Variants in LSAMP observed in about 807,000 individuals in gnomAD.
The protein encoded by LSAMP is limbic system associated membrane protein.
Under a neutral mutation model 38.6 loss-of-function variants are expected in LSAMP, and 7 were observed. That is an observed-to-expected ratio of 0.18 (90% CI 0.10 to 0.34). The LOEUF (loss-of-function observed/expected upper bound fraction) is 0.34, where lower values mean the gene tolerates loss of function less well. Ranked by LOEUF, LSAMP falls within the 10% of genes least tolerant of loss-of-function variation. The probability of loss-of-function intolerance (pLI) is 1.00; values close to 1 mark genes in which losing one functional copy is unlikely to be tolerated. For synonymous variants in LSAMP, 154 were observed against 166.8 expected (o/e 0.92, Z 0.59); for missense variants, 313 against 420.0 (o/e 0.75, Z 2.23).
chr3:116,012,445 A>T (rs1489175021), intron 3 of LSAMP, among the ~76,000 whole-genome samples: 1 of 152,216 alleles, frequency 6.6e-6, no homozygotes, highest in Non-Finnish European at 1.5e-5. Flanking sequence ...ATATAGCTAC[A>T]GTTAATAAAA....
rs556994932 is a variant in LSAMP, at chr3:116,248,516, T to A, written c.156-161960A>T. On this transcript the variant is annotated intron_variant, in intron 1 of 6. Coordinates refer to ENST00000490035, the MANE Select transcript of LSAMP (RefSeq NM_002338.5). ...GTGTGTGTGTGTGTGTGTGTGTGTGTGTGTGTGTGTGTGTGTGTATCAGAC... is the reference window on the plus strand; with the variant it reads ...GTGTGTGTGTGTGTGTGTGTGTGTGAGTGTGTGTGTGTGTGTGTATCAGAC... 6.4e-4 allele frequency among the ~76,000 whole-genome samples: 97 copies of A among 151,512 alleles called. 2 individuals are homozygous for A. Among genetic ancestry groups the A allele is most frequent in the African/African-American group, 2.2e-3 (89 of 41,208 alleles).
intron 1 of LSAMP, among the ~76,000 whole-genome samples, chr3:116,211,536 G>A (rs1462765057): frequency 6.6e-6 from 1 of 152,184 alleles, no homozygotes; most frequent in African/African-American, 2.4e-5. Context: ...AATTGGGTTT[G>A]TACTCTGTAA....
intron 1 of LSAMP, among the ~76,000 whole-genome samples, chr3:116,377,243 C>G (rs1022937586): frequency 6.6e-6 from 1 of 151,912 alleles, no homozygotes; most frequent in African/African-American, 2.4e-5. Flanking sequence ...CCCCACCCTT[C>G]AACAGGCCCA....
At chr3:115,827,172 C>T (rs2107476143) in intron 6 of LSAMP, among the ~76,000 whole-genome samples, 1 of 152,172 alleles carries the variant, frequency 6.6e-6, no homozygotes, top group South Asian at 2.1e-4. Context: ...CCCCAGCTTC[C>T]AACTCATACA....
chr3:116,339,995 G>A (rs1469894923), intron 1 of LSAMP, among the ~76,000 whole-genome samples: 20 of 152,000 alleles, frequency 1.3e-4, no homozygotes, highest in Admixed American at 1.3e-3. Context: ...ATAACAACAT[G>A]GTTACTTTAC....
intron 1 of LSAMP, among the ~76,000 whole-genome samples, chr3:116,422,793 A>G (rs527706855): frequency 3.7e-4 from 56 of 152,378 alleles, no homozygotes; most frequent in Non-Finnish European, 6.9e-4. Flanking sequence ...CTAAGCTTAT[A>G]TAAGCAGCTT....
intron 3 of LSAMP, among the ~76,000 whole-genome samples, chr3:115,929,097 C>T (rs34649550): frequency 6.6e-6 from 1 of 150,490 alleles, no homozygotes; most frequent in East Asian, 2.0e-4. Context: ...AGGGGTGTCC[C>T]TAGAGCCTAC....
intron 3 of LSAMP, among the ~76,000 whole-genome samples, chr3:116,012,089 A>G (rs2107677031): frequency 6.6e-6 from 1 of 152,330 alleles, no homozygotes; most frequent in Middle Eastern, 3.4e-3. Flanking sequence ...ATATCAACAC[A>G]GTGTGAATCC....
intron 1 of LSAMP, among the ~76,000 whole-genome samples, chr3:116,167,314 C>T (rs7641216): frequency 0.54 from 81,756 of 151,916 alleles, 23,158 homozygotes; most frequent in East Asian, 0.76. Context: ...TCTTCATATC[C>T]AGCTCACAAT....
rs1933697431 is a variant in LSAMP, at chr3:115,808,407, C to T, written c.*1910G>A. ...GTGAGAGCAAGGGTTGGTTTTCTGA[C>T]AAAGACATCTATATGCAGAGAGCCA... On this transcript the variant is annotated 3_prime_UTR_variant, in exon 7 of 7. Transcript: ENST00000490035. 6.6e-6 allele frequency: 1 copy of T among 151,958 alleles called. No homozygotes were observed. Among genetic ancestry groups the T allele is most frequent in the Admixed American group, 6.6e-5 (1 of 15,234 alleles). 9.4% of individuals were successfully genotyped at this position (151,958 alleles called of 1,614,324 possible).
intron 1 of LSAMP, among the ~76,000 whole-genome samples, chr3:116,194,691 C>T (rs528016436): frequency 3.3e-5 from 5 of 152,304 alleles, no homozygotes; most frequent in African/African-American, 9.6e-5. Context: ...CCTCCGTACC[C>T]GGCCGGGGGA....
chr3:116,016,060 C>T (rs1176242195), intron 3 of LSAMP, among the ~76,000 whole-genome samples: 2 of 151,940 alleles, frequency 1.3e-5, no homozygotes, highest in South Asian at 2.1e-4. Flanking sequence ...GGCAGCTTTG[C>T]TGTCACACAG....
intron 1 of LSAMP, among the ~76,000 whole-genome samples, chr3:116,189,104 C>T (rs550325214): frequency 6.6e-6 from 1 of 152,160 alleles, no homozygotes; most frequent in South Asian, 2.1e-4. Flanking sequence ...AACAAGTAAA[C>T]ATATAGTTTC....
At chr3:115,969,599 A>G (rs565960960) in intron 3 of LSAMP, among the ~76,000 whole-genome samples, 4 of 152,184 alleles carry the variant, frequency 2.6e-5, no homozygotes, top group Non-Finnish European at 5.9e-5. Flanking sequence ...AGCTGCTTCC[A>G]CCACTGCTAC....
intron 1 of LSAMP, among the ~76,000 whole-genome samples, chr3:116,267,738 G>A (rs944315765): frequency 6.6e-6 from 1 of 151,898 alleles, no homozygotes; most frequent in Non-Finnish European, 1.5e-5. Flanking sequence ...GGTACTCTCC[G>A]CCTGCAGCAG....
At position 116,134,574 on chromosome 3, in the gene LSAMP, G is replaced by A. The variant is rs72959792; in HGVS notation, c.156-48018C>T. Among the ~76,000 whole-genome samples, 483 of 152,232 alleles carry A rather than the reference G, an allele frequency of 3.2e-3. 4 individuals are homozygous for A. Among genetic ancestry groups the A allele is most frequent in the African/African-American group, 0.01 (425 of 41,536 alleles). On this transcript the variant is annotated intron_variant, in intron 1 of 6. Transcript: ENST00000490035. ...GGACTTCCTCATCAGGCTTGTTGCC[G>A]TCTCAGAGACTTTGCTCTTGCAGTT...
chr3:116,356,854 C>T (rs923421508), intron 1 of LSAMP, among the ~76,000 whole-genome samples: 5 of 152,010 alleles, frequency 3.3e-5, no homozygotes, highest in Admixed American at 1.3e-4. Flanking sequence ...AGTGCAGTGG[C>T]GCCATCTCGG....
At chr3:116,248,786 C>T (rs545136834) in intron 1 of LSAMP, among the ~76,000 whole-genome samples, 16 of 152,184 alleles carry the variant, frequency 1.1e-4, no homozygotes, top group African/African-American at 3.9e-4. Flanking sequence ...GGCATGAGCA[C>T]ACCCATGTCT....
At chr3:116,076,481 T>C (rs1409045582) in intron 2 of LSAMP, among the ~76,000 whole-genome samples, 1 of 152,098 alleles carries the variant, frequency 6.6e-6, no homozygotes, top group African/African-American at 2.4e-5. Context: ...ATGGTCTCAA[T>C]CTCATGACCT....
Sources: gnomAD v4.1 joint callset for allele counts (sites outside exome capture counted in the v4.1 genomes callset) on GRCh38, gnomAD v4.1.1 for gene constraint, MANE v1.5 for transcripts, NCBI Gene and HGNC (gene_info 2026-07-23, HGNC 2026-07-21) for gene names.